MAPK10: variants seen among roughly 807,000 people sequenced by gnomAD.
MAPK10 encodes JNK3 alpha protein kinase.
MAPK10 carries 25 observed loss-of-function variants against 59.3 expected under a neutral mutation model. The ratio of observed to expected loss-of-function variants is 0.42; its 90% confidence interval spans 0.31 to 0.59. The LOEUF is 0.59. MAPK10 is among the 20% of genes least tolerant of loss of function. The pLI is 0.15. For missense variants in MAPK10, 351 were observed against 568.9 expected, an observed-to-expected ratio of 0.62 and a Z score of 3.90; for synonymous variants, 190 against 200.5, an observed-to-expected ratio of 0.95 and a Z score of 0.44.
At chr4:86,166,905 A>C (rs1397527492) in intron 3 of MAPK10, among the ~76,000 whole-genome samples, 2 of 152,068 alleles carry the variant, frequency 1.3e-5, no homozygotes, top group Admixed American at 6.6e-5. Flanking sequence ...TAGAGACACA[A>C]AAAAAAACCT....
Position 86,103,583 on chromosome 4 carries a change from G to C in MAPK10, c.367-339C>G, listed in dbSNP as rs757908316. Among the ~76,000 whole-genome samples, 6 of 152,244 alleles carry C rather than the reference G, an allele frequency of 3.9e-5. No homozygotes were observed. The East Asian group carries it at 9.7e-4, about 25-fold the overall frequency. On this transcript the variant is annotated intron_variant, in intron 5 of 13. Coordinates refer to ENST00000641462, the MANE Select transcript of MAPK10 (RefSeq NM_138982.4). ...TAAACAAAAAAGGAAGAAATGCCATGTGAGGAGAGAGGTGGCAGTAAAACA... is the reference window on the plus strand; with the variant it reads ...TAAACAAAAAAGGAAGAAATGCCATCTGAGGAGAGAGGTGGCAGTAAAACA...
At chr4:86,316,912 A>G (rs2095799526) in intron 2 of MAPK10, among the ~76,000 whole-genome samples, 1 of 151,848 alleles carries the variant, frequency 6.6e-6, no homozygotes, top group African/African-American at 2.4e-5. Context: ...CATGAGAGGG[A>G]TTTTTTAATG....
At chr4:86,179,703 C>T (rs192238501) in intron 3 of MAPK10, among the ~76,000 whole-genome samples, 9 of 152,200 alleles carry the variant, frequency 5.9e-5, no homozygotes, top group East Asian at 1.9e-4. Flanking sequence ...TACATATCTA[C>T]GCCAACTACC....
intron 1 of MAPK10, among the ~76,000 whole-genome samples, chr4:86,540,711 G>A (rs1758620524): frequency 6.6e-6 from 1 of 152,162 alleles, no homozygotes; most frequent in African/African-American, 2.4e-5. Context: ...GCAGGGAAGA[G>A]CATGGAGAAA....
chr4:86,215,826 C>G (rs1290064669), intron 2 of MAPK10, among the ~76,000 whole-genome samples: 1 of 152,194 alleles, frequency 6.6e-6, no homozygotes, highest in Non-Finnish European at 1.5e-5. Context: ...TGTGCCACTG[C>G]ACTCCAGCCT....
chr4:86,021,087 G>A (rs1746471928), intron 13 of MAPK10, among the ~76,000 whole-genome samples: 2 of 150,320 alleles, frequency 1.3e-5, no homozygotes, highest in African/African-American at 4.9e-5. Context: ...ATTAGATACA[G>A]AGTATCAACA....
intron 7 of MAPK10, 117 bp downstream of exon 7, chr4:86,101,777 C>T (rs2055444628): frequency 1.0e-6 from 1 of 1,001,766 alleles, no homozygotes; most frequent in African/African-American, 1.6e-5. Flanking sequence ...ATTCTAGTAT[C>T]AAAGAAATGA....
chr4:86,057,980 A>G (rs1298866645), intron 11 of MAPK10, among the ~76,000 whole-genome samples: 2 of 149,784 alleles, frequency 1.3e-5, no homozygotes, highest in Non-Finnish European at 3.0e-5. Flanking sequence ...CTGTAGCCCT[A>G]CAACCAACAA....
In MAPK10 at chr4:86,574,909, A is replaced by G. The variant is rs772046368; in HGVS notation, c.-263+19001T>C. Among the ~76,000 whole-genome samples, 29 of 152,270 alleles carry G rather than the reference A, an allele frequency of 1.9e-4. No homozygotes were observed. In the Middle Eastern group the frequency reaches 0.01, roughly 54 times the overall value. ...TTAATATATGATTTAACAAAATATG[A>G]TGGTTAACATGTCAACTTGATTGTG... is the stretch of plus-strand genomic sequence containing the variant. On this transcript the variant is annotated intron_variant, in intron 1 of 4. Transcript: ENST00000502302.
At chr4:86,365,430 TCAAAAAAAAAAA>T (rs1737687417) in intron 1 of MAPK10, among the ~76,000 whole-genome samples, 1 of 10,458 alleles carries the variant, frequency 9.6e-5, no homozygotes, top group African/African-American at 2.4e-4. Flanking sequence ...AGACTCTGTC[TCAAAAAAAAAAA>T]AAAAAAAAAA....
intron 1 of MAPK10, among the ~76,000 whole-genome samples, chr4:86,548,237 T>A (rs952556631): frequency 6.6e-6 from 1 of 151,738 alleles, no homozygotes; most frequent in African/African-American, 2.4e-5. Context: ...TTAAGAGCTG[T>A]AACACTCACC....
upstream of MAPK10, among the ~76,000 whole-genome samples, chr4:86,455,712 G>T (rs965370219): frequency 6.6e-6 from 1 of 152,098 alleles, no homozygotes; most frequent in Non-Finnish European, 1.5e-5. Context: ...AATAGTGGGG[G>T]ACTTCAATAC....
At chr4:86,272,037 T>C (rs1466895896) in intron 2 of MAPK10, among the ~76,000 whole-genome samples, 1 of 152,090 alleles carries the variant, frequency 6.6e-6, no homozygotes, top group Non-Finnish European at 1.5e-5. Flanking sequence ...GCCATCTTTA[T>C]GTCCTTCAGT....
At chr4:86,320,892 AAAAC>A (rs1390100337) in intron 2 of MAPK10, among the ~76,000 whole-genome samples, 2 of 152,198 alleles carry the variant, frequency 1.3e-5, no homozygotes, top group Admixed American at 1.3e-4. Context: ...TTACAAGAAA[AAAAC>A]AAACAACCCC....
intron 11 of MAPK10, among the ~76,000 whole-genome samples, chr4:86,049,604 A>G (rs1437788576): frequency 6.6e-6 from 1 of 152,118 alleles, no homozygotes; most frequent in Non-Finnish European, 1.5e-5. Flanking sequence ...AAGCTTTAAG[A>G]AAACCTTCTT....
chr4:86,584,073 G>A (rs1275646991), intron 1 of MAPK10, among the ~76,000 whole-genome samples: 2 of 152,096 alleles, frequency 1.3e-5, no homozygotes, highest in Non-Finnish European at 2.9e-5. Context: ...GTGTATGTAG[G>A]GTGATAATCC....
At chr4:86,520,885 G>A (rs1206462599) in intron 1 of MAPK10, among the ~76,000 whole-genome samples, 5 of 152,088 alleles carry the variant, frequency 3.3e-5, no homozygotes, top group Admixed American at 3.3e-4. Flanking sequence ...ATTGCCCTTC[G>A]GGGTCTAGTC....
At chr4:86,337,621 G>A (rs1722314745) in intron 2 of MAPK10, among the ~76,000 whole-genome samples, 1 of 152,174 alleles carries the variant, frequency 6.6e-6, no homozygotes, top group Non-Finnish European at 1.5e-5. Context: ...GAGGGACCAT[G>A]GCAAATAGTC....
intron 2 of MAPK10, among the ~76,000 whole-genome samples, chr4:86,255,789 T>C (rs2093682920): frequency 6.6e-6 from 1 of 152,176 alleles, no homozygotes; most frequent in African/African-American, 2.4e-5. Context: ...AATCCAGCAC[T>C]ACCTTGCTAT....
Sources: allele counts gnomAD v4.1 joint callset (sites outside exome capture counted in the v4.1 genomes callset), GRCh38; gene constraint gnomAD v4.1.1; transcripts MANE v1.5; gene names NCBI Gene and HGNC (gene_info 2026-07-23, HGNC 2026-07-21).